The following INPP4B variants were observed in gnomAD, a reference collection of about 807,000 sequenced individuals.
INPP4B encodes inositol polyphosphate-4-phosphatase type II B.
INPP4B carries 55 observed loss-of-function variants against 122.5 expected under a neutral mutation model. The observed-to-expected ratio is 0.45, with a 90% CI of 0.36 to 0.56. The LOEUF (loss-of-function observed/expected upper bound fraction) is 0.56, where lower values mean the gene tolerates loss of function less well. Among genes scored for constraint, INPP4B ranks in the 20% least tolerant of loss-of-function variants. INPP4B has a pLI of 0.00. For missense variants in INPP4B, 1,000 were observed against 1,097.7 expected, an observed-to-expected ratio of 0.91 and a Z score of 1.26; for synonymous variants, 403 against 388.7, an observed-to-expected ratio of 1.04 and a Z score of -0.43.
At chr4:142,204,932 T>C (rs1249777950) in intron 14 of INPP4B, among the ~76,000 whole-genome samples, 1 of 152,098 alleles carries the variant, frequency 6.6e-6, no homozygotes. Flanking sequence ...TTTGTTATAG[T>C]AGCCCTAGAA....
chr4:142,740,960 G>A (rs1767809973), intron 1 of INPP4B, among the ~76,000 whole-genome samples: 1 of 151,906 alleles, frequency 6.6e-6, no homozygotes, highest in Non-Finnish European at 1.5e-5. Context: ...CCAATAATAA[G>A]TTCGCAATCC....
chr4:142,719,579 C>T (rs1270753426), intron 2 of INPP4B, among the ~76,000 whole-genome samples: 1 of 151,974 alleles, frequency 6.6e-6, no homozygotes, highest in Non-Finnish European at 1.5e-5. Flanking sequence ...ACGCCTCGGC[C>T]TCCCAAAGTG....
chr4:142,789,680 T>G (rs1776262917), intron 1 of INPP4B, among the ~76,000 whole-genome samples: 1 of 151,948 alleles, frequency 6.6e-6, no homozygotes, highest in African/African-American at 2.4e-5. Flanking sequence ...ATCTATAAAT[T>G]CAATGCAATT....
intron 15 of INPP4B, among the ~76,000 whole-genome samples, chr4:142,178,541 TC>T (rs1471049939): frequency 2.0e-5 from 3 of 152,084 alleles, no homozygotes; most frequent in African/African-American, 7.2e-5. Flanking sequence ...TCCTTTCCCT[TC>T]CCACTCCATT....
In INPP4B at chr4:142,515,074, G is replaced by A. The variant is rs190364158; in HGVS notation, c.-190-52348C>T. ...GCCTCCCAAAGTGCTGGGATTACAG[G>A]CATGAGCCACCATGCCTGGCCTTGA... is the stretch of plus-strand genomic sequence containing the variant. On this transcript the variant is annotated intron_variant, in intron 2 of 25. Transcript: ENST00000262992. Among the ~76,000 whole-genome samples the A allele has an allele frequency of 5.3e-5, 8 of 152,270 alleles. No individual in the cohort carries two copies. The East Asian group carries it at 1.5e-3, about 29-fold the overall frequency.
chr4:142,148,083 T>C (rs1157949974), intron 17 of INPP4B, among the ~76,000 whole-genome samples: 1 of 152,082 alleles, frequency 6.6e-6, no homozygotes, highest in African/African-American at 2.4e-5. Context: ...GGTGATTAAA[T>C]TGAAAAATGA....
At chr4:142,538,349 A>T (rs1828531876) in intron 2 of INPP4B, among the ~76,000 whole-genome samples, 1 of 152,160 alleles carries the variant, frequency 6.6e-6, no homozygotes, top group Non-Finnish European at 1.5e-5. Flanking sequence ...ACAGGGCAGA[A>T]ATGTATCAAA....
intron 2 of INPP4B, among the ~76,000 whole-genome samples, chr4:142,658,204 C>A (rs77484606): frequency 1.3e-5 from 2 of 152,138 alleles, no homozygotes; most frequent in Non-Finnish European, 2.9e-5. Flanking sequence ...TGTTGTCTTG[C>A]TTTAATCCTT....
At chr4:142,454,634 A>G (rs1815006968) in intron 3 of INPP4B, among the ~76,000 whole-genome samples, 1 of 152,104 alleles carries the variant, frequency 6.6e-6, no homozygotes, top group Non-Finnish European at 1.5e-5. Context: ...TGAGAGAGGT[A>G]CAGCAAAGTG....
chr4:142,651,017 C>T (rs1342363693), intron 2 of INPP4B, among the ~76,000 whole-genome samples: 2 of 152,176 alleles, frequency 1.3e-5, no homozygotes, highest in African/African-American at 4.8e-5. Context: ...TCACAACAAA[C>T]AGTCTCTCAG....
intron 1 of INPP4B, among the ~76,000 whole-genome samples, chr4:142,755,736 C>A (rs1331609457): frequency 6.6e-6 from 1 of 151,852 alleles, no homozygotes; most frequent in Non-Finnish European, 1.5e-5. Flanking sequence ...GTTAACTTTG[C>A]CCTATAAAAT....
At chr4:142,098,626 G>T (rs1783113229) in intron 23 of INPP4B, among the ~76,000 whole-genome samples, 1 of 152,106 alleles carries the variant, frequency 6.6e-6, no homozygotes, top group African/African-American at 2.4e-5. Flanking sequence ...TTTTCTGATG[G>T]ACTGGAAAGG....
At chr4:142,670,417 T>G (rs1278260752) in intron 2 of INPP4B, among the ~76,000 whole-genome samples, 1 of 151,966 alleles carries the variant, frequency 6.6e-6, no homozygotes, top group Non-Finnish European at 1.5e-5. Flanking sequence ...AGTGGATAAA[T>G]AGGTGAAGAA....
At chr4:142,821,056 T>C (rs1780739764) in intron 1 of INPP4B, among the ~76,000 whole-genome samples, 1 of 152,156 alleles carries the variant, frequency 6.6e-6, no homozygotes, top group Middle Eastern at 3.2e-3. Context: ...GTCTCCTGCA[T>C]TTTATTAGCA....
At chr4:142,419,895 A>G (rs1239547170) in intron 5 of INPP4B, among the ~76,000 whole-genome samples, 1 of 152,062 alleles carries the variant, frequency 6.6e-6, no homozygotes, top group Non-Finnish European at 1.5e-5. Context: ...TTGATTTTAC[A>G]GAAAGCAAAA....
At chr4:142,539,072 A>T (rs1206414723) in intron 2 of INPP4B, among the ~76,000 whole-genome samples, 6 of 149,918 alleles carry the variant, frequency 4.0e-5, no homozygotes, top group Admixed American at 4.0e-4. Flanking sequence ...ATAATTACAA[A>T]ATTGTTATTT....
intron 7 of INPP4B, among the ~76,000 whole-genome samples, chr4:142,369,021 A>G (rs1209765326): frequency 3.3e-5 from 5 of 152,080 alleles, no homozygotes; most frequent in Admixed American, 2.0e-4. Context: ...AGGAGGAAGA[A>G]GAGGAACTGG....
intron 2 of INPP4B, among the ~76,000 whole-genome samples, chr4:142,709,677 A>G (rs1296074532): frequency 6.6e-6 from 1 of 152,194 alleles, no homozygotes; most frequent in Non-Finnish European, 1.5e-5. Context: ...AGCCTGTGGA[A>G]CCATAAGCCA....
intron 7 of INPP4B, among the ~76,000 whole-genome samples, chr4:142,339,539 G>T (rs1777964292): frequency 6.6e-6 from 1 of 152,126 alleles, no homozygotes; most frequent in Admixed American, 6.5e-5. Context: ...ACCAGGATTA[G>T]GTTGTAGACC....
Sources: gnomAD v4.1 joint callset for allele counts (sites outside exome capture counted in the v4.1 genomes callset) on GRCh38, gnomAD v4.1.1 for gene constraint, MANE v1.5 for transcripts, NCBI Gene and HGNC (gene_info 2026-07-23, HGNC 2026-07-21) for gene names.